The following POLN variants were observed in gnomAD, a reference collection of about 807,000 sequenced individuals.
POLN encodes the protein DNA polymerase nu.
Under a neutral mutation model 113.5 loss-of-function variants are expected in POLN, and 108 were observed. The ratio of observed to expected loss-of-function variants is 0.95; its 90% CI spans 0.81 to 1.12. The LOEUF is 1.12. Ranked by LOEUF, POLN falls within the 50% of genes most tolerant of loss-of-function variation. POLN has a pLI of 0.00. For synonymous variants in POLN, 386 were observed against 391.5 expected (o/e 0.99, Z 0.17); for missense variants, 1,097 against 1,077.1 (o/e 1.02, Z -0.26).
At chr4:2,130,252 GA>G (rs1278948830) in intron 17 of POLN, among the ~76,000 whole-genome samples, 1 of 124,468 alleles carries the variant, frequency 8.0e-6, no homozygotes, top group Non-Finnish European at 1.6e-5. Context: ...TCTCAAAAAA[GA>G]AAACAGAAGA....
intron 15 of POLN, among the ~76,000 whole-genome samples, chr4:2,157,584 G>C (rs1361836184): frequency 2.0e-5 from 3 of 151,906 alleles, no homozygotes; most frequent in African/African-American, 7.3e-5. Flanking sequence ...TTAGCTGGGC[G>C]TGGTGGCGGA....
intron 2 of POLN, among the ~76,000 whole-genome samples, chr4:2,235,017 C>T (rs1734709706): frequency 6.6e-6 from 1 of 152,202 alleles, no homozygotes; most frequent in African/African-American, 2.4e-5. Context: ...TCCCAAGTAG[C>T]TGGGATTACA....
At chr4:2,079,885 G>C in intron 23 of POLN, 8 of 985,558 alleles carry the variant, frequency 8.1e-6, no homozygotes, top group Non-Finnish European at 9.6e-6. Flanking sequence ...GTGCCCAGCC[G>C]AGAGTGAATC....
intron 16 of POLN, among the ~76,000 whole-genome samples, chr4:2,151,500 G>A (rs1732295208): frequency 6.6e-6 from 1 of 152,202 alleles, no homozygotes; most frequent in African/African-American, 2.4e-5. Context: ...TCCATGTAAG[G>A]ACGTGCAGTC....
intron 23 of POLN, among the ~76,000 whole-genome samples, chr4:2,075,899 C>G (rs796400747): frequency 1.2e-4 from 19 of 152,156 alleles, no homozygotes; most frequent in African/African-American, 4.3e-4. Context: ...AGGTTGGTCC[C>G]GTCTGAAGTC....
chr4:2,121,215 G>T (rs71614991), intron 19 of POLN, among the ~76,000 whole-genome samples: 1 of 151,928 alleles, frequency 6.6e-6, no homozygotes, highest in Non-Finnish European at 1.5e-5. Context: ...CAGGTGGATT[G>T]CTTGAGGTCA....
chr4:2,167,474 C>T (rs975606643), intron 13 of POLN, among the ~76,000 whole-genome samples: 1 of 152,190 alleles, frequency 6.6e-6, no homozygotes. Flanking sequence ...TACCACAGGA[C>T]TCTAAACTAC....
At chr4:2,150,864 T>A (rs891349367) in intron 16 of POLN, among the ~76,000 whole-genome samples, 1 of 152,226 alleles carries the variant, frequency 6.6e-6, no homozygotes, top group East Asian at 1.9e-4. Context: ...CCCAAAACTA[T>A]AATACGTCTA....
Position 2,220,018 on chromosome 4 carries a change from G to A in POLN, c.134-6892C>T, listed in dbSNP as rs1560098145. On this transcript the variant is annotated intron_variant, in intron 3 of 25. Transcript: ENST00000511885. ...ACTCTCCCAGGCCTGCTTGTATATG[G>A]CCAGTTAGGTCCTGCAGTTCCTTTG... Among the ~76,000 whole-genome samples, 4 of 152,178 alleles carry A rather than the reference G, an allele frequency of 2.6e-5. 1 individual carries two copies. In the South Asian group the frequency reaches 8.3e-4, roughly 32 times the overall value.
At chr4:2,235,037 C>T (rs1734711101) in intron 2 of POLN, among the ~76,000 whole-genome samples, 1 of 152,196 alleles carries the variant, frequency 6.6e-6, no homozygotes, top group Non-Finnish European at 1.5e-5. Context: ...AGTCACCCGC[C>T]ACCACGCCCG....
rs199567876 is a variant in POLN at position 2,072,965 on chromosome 4, C to A, written c.2517+3G>T. ...GACCGGGCAGGCTTAAGTGTCCCCT[C>A]ACCTGAAGCTGCAGCTCCAATGCCT... On this transcript the variant is annotated splice_donor_region_variant and intron_variant, in intron 25 of 25. Coordinates refer to ENST00000511885, the MANE Select transcript of POLN (RefSeq NM_181808.4). 2,396 of 1,613,100 alleles carry A rather than the reference C, an allele frequency of 1.5e-3. 7 individuals are homozygous for A. Among genetic ancestry groups the A allele is most frequent in the Admixed American group, 2.4e-3 (144 of 60,022 alleles).
At chr4:2,121,294 G>A (rs1731433511) in intron 19 of POLN, among the ~76,000 whole-genome samples, 3 of 151,996 alleles carry the variant, frequency 2.0e-5, no homozygotes, top group Admixed American at 2.0e-4. Context: ...AATTAGCTGG[G>A]CATGGTGGCA....
chr4:2,175,082 C>T (rs1732962468), intron 9 of POLN, among the ~76,000 whole-genome samples: 1 of 152,074 alleles, frequency 6.6e-6, no homozygotes, highest in African/African-American at 2.4e-5. Context: ...CCTTGGCCTC[C>T]CGAAGTGCTG....
chr4:2,127,356 A>G lies in POLN; in HGVS notation c.1982+757T>C, dbSNP rs1157088124. Among the ~76,000 whole-genome samples, 1 of 151,992 alleles carries G rather than the reference A, an allele frequency of 6.6e-6. No homozygotes were observed. The highest frequency in any genetic ancestry group is 2.4e-5 in the African/African-American group (1 of 41,372). ...CTGTGATGTATAAGCCAAACACAAT[A>G]ATCCACTCCTCCTTTTTTCTGGAGT... On this transcript the variant is annotated intron_variant, in intron 19 of 25. Coordinates refer to ENST00000511885, the MANE Select transcript of POLN (RefSeq NM_181808.4). The surrounding 1 kb of genome is among the most constrained non-coding windows in gnomAD (Gnocchi z 4.7).
chr4:2,238,868 T>C (rs1462764103), intron 2 of POLN: 8 of 1,613,334 alleles, frequency 5.0e-6, no homozygotes, highest in Non-Finnish European at 6.8e-6. Context: ...ATAATCTTGT[T>C]TAGCAATCTG....
rs1282173606 is a variant in POLN, at chr4:2,213,061, A to AT, written c.198dup (p.Ser67IlefsTer8). 6.2e-7 allele frequency: 1 copy of AT among 1,606,754 alleles called. No homozygotes were observed. Among genetic ancestry groups the AT allele is most frequent in the African/African-American group, 1.3e-5 (1 of 74,674 alleles). On this transcript the variant is annotated frameshift_variant, in exon 4 of 26. Coordinates refer to ENST00000511885, the MANE Select transcript of POLN (RefSeq NM_181808.4). LOFTEE classifies it high-confidence loss of function. ...CAATGATTTACCTTTTTTTCTGGTG[A>AT]TTGAGTCTTCCTGTCTTCAAGTTGT... is the stretch of plus-strand genomic sequence containing the variant.
intron 16 of POLN, among the ~76,000 whole-genome samples, chr4:2,147,703 C>T (rs1165752396): frequency 2.3e-5 from 3 of 131,496 alleles, no homozygotes; most frequent in Non-Finnish European, 4.6e-5. Context: ...AACACAATGG[C>T]GTGATCTTGG....
chr4:2,097,938 G>A (rs1255686305), intron 19 of POLN, among the ~76,000 whole-genome samples: 1 of 152,152 alleles, frequency 6.6e-6, no homozygotes, highest in Non-Finnish European at 1.5e-5. Context: ...AGGCCCATGG[G>A]GCTGTGTACC....
Position 2,208,161 on chromosome 4 carries a change from G to A in POLN, c.540C>T (p.Asp180=), listed in dbSNP as rs776688740. ...KQMALEEDTD[D]AEGYLNSGNS... The stretch of plus-strand genomic sequence containing the variant: ...TCCCAGAATTTAGGTAGCCTTCGGC[G>A]TCATCAGTATCTTCTTCCAATGCCA... The change falls in exon 5 of 26, where the codon GAC becomes GAT. Residue 180 remains aspartate, a synonymous_variant. Coordinates refer to ENST00000511885, the MANE Select transcript of POLN (RefSeq NM_181808.4). 64 of 1,613,922 alleles carry A rather than the reference G, an allele frequency of 4.0e-5. No homozygotes were observed. The highest frequency in any genetic ancestry group is 4.9e-5 in the Non-Finnish European group (58 of 1,179,930).
Sources: gnomAD v4.1 joint callset for allele counts (sites outside exome capture counted in the v4.1 genomes callset) on GRCh38, gnomAD v4.1.1 for gene constraint, Gnocchi (gnomAD v3.1) non-coding constraint, MANE v1.5 for transcripts, NCBI Gene and HGNC (gene_info 2026-07-23, HGNC 2026-07-21) for gene names.